Variants in BTBD9 observed in about 807,000 individuals in gnomAD.
The protein encoded by BTBD9 is BTB/POZ domain-containing protein 9.
BTBD9 carries 49 observed loss-of-function variants against 64.3 expected under a neutral mutation model. The observed-to-expected ratio is 0.76, with a 90% CI of 0.61 to 0.97. The LOEUF (loss-of-function observed/expected upper bound fraction) is 0.97. BTBD9 is among the 50% of genes least tolerant of loss of function. The pLI is 0.00. For synonymous variants in BTBD9, 260 were observed against 274.7 expected, an observed-to-expected ratio of 0.95 and a Z score of 0.53; for missense variants, 598 against 762.1, an observed-to-expected ratio of 0.78 and a Z score of 2.53.
intron 9 of BTBD9, among the ~76,000 whole-genome samples, chr6:38,229,447 C>G (rs1278008427): frequency 6.6e-6 from 1 of 152,108 alleles, no homozygotes; most frequent in African/African-American, 2.4e-5. Flanking sequence ...TTACCTGGAT[C>G]TTGTTTTATC....
In BTBD9 at chr6:38,631,633, C is replaced by A. The variant is rs373628662; in HGVS notation, c.-28+8167G>T. Among the ~76,000 whole-genome samples, 60 of 152,294 alleles carry A rather than the reference C, an allele frequency of 3.9e-4. 1 individual carries two copies. The highest frequency in any genetic ancestry group is 1.3e-3 in the African/African-American group (54 of 41,576). On this transcript the variant is annotated intron_variant, in intron 1 of 10. Coordinates refer to ENST00000481247, the MANE Select transcript of BTBD9 (RefSeq NM_001099272.2). ...TCCCCTACCAACAGCCAGCAAGGAA[C>A]TGAGGCCTCCTGTCAACAGCCATGT...
chr6:38,615,854 C>T (rs1777767655), intron 1 of BTBD9, among the ~76,000 whole-genome samples: 1 of 152,138 alleles, frequency 6.6e-6, no homozygotes, highest in Non-Finnish European at 1.5e-5. Context: ...AACTGCACTT[C>T]ACTGACAGTG....
chr6:38,412,983 G>C (rs1214752323), intron 6 of BTBD9, among the ~76,000 whole-genome samples: 1 of 152,174 alleles, frequency 6.6e-6, no homozygotes, highest in Non-Finnish European at 1.5e-5. Flanking sequence ...ACTATATAAA[G>C]TGGTACTTAA....
chr6:38,572,020 G>C (rs1775795227), intron 6 of BTBD9, among the ~76,000 whole-genome samples: 1 of 151,132 alleles, frequency 6.6e-6, no homozygotes, highest in Non-Finnish European at 1.5e-5. Context: ...ATAAAACAAT[G>C]ACCAGAAAAT....
chr6:38,555,240 T>C (rs1401151940), intron 6 of BTBD9, among the ~76,000 whole-genome samples: 1 of 152,106 alleles, frequency 6.6e-6, no homozygotes, highest in African/African-American at 2.4e-5. Context: ...CATCTCTAAC[T>C]CTCCTTGCCT....
intron 6 of BTBD9, among the ~76,000 whole-genome samples, chr6:38,358,269 C>T (rs1196700807): frequency 1.3e-5 from 2 of 151,842 alleles, no homozygotes; most frequent in Non-Finnish European, 2.9e-5. Flanking sequence ...GTCTGGTGTT[C>T]TTCCTGCACA....
At chr6:38,221,503 A>T (rs1415794980) in intron 9 of BTBD9, among the ~76,000 whole-genome samples, 1 of 152,112 alleles carries the variant, frequency 6.6e-6, no homozygotes, top group African/African-American at 2.4e-5. Flanking sequence ...CCTGCCCACA[A>T]AATGTCACAG....
intron 6 of BTBD9, among the ~76,000 whole-genome samples, chr6:38,506,660 C>T (rs909104082): frequency 6.6e-6 from 1 of 152,184 alleles, no homozygotes; most frequent in Non-Finnish European, 1.5e-5. Context: ...TCTCTTTTCT[C>T]CACCTCCATT....
chr6:38,357,605 A>G (rs1295170705), intron 6 of BTBD9, among the ~76,000 whole-genome samples: 3 of 152,228 alleles, frequency 2.0e-5, no homozygotes, highest in Non-Finnish European at 4.4e-5. Context: ...CTGTAAAAAT[A>G]AAAATTTGAG....
chr6:38,198,936 C>T (rs1467584719), intron 9 of BTBD9, among the ~76,000 whole-genome samples: 5 of 152,168 alleles, frequency 3.3e-5, no homozygotes, highest in Admixed American at 2.0e-4. Flanking sequence ...TGGAATCACA[C>T]CACAGAACCC....
chr6:38,428,121 G>C (rs1768263366), intron 6 of BTBD9, among the ~76,000 whole-genome samples: 1 of 151,868 alleles, frequency 6.6e-6, no homozygotes, highest in Non-Finnish European at 1.5e-5. Flanking sequence ...GGGTGAGGGG[G>C]ATAACAGTGG....
At position 38,527,414 on chromosome 6, in the gene BTBD9, G is replaced by GTAA. The variant is rs1773560312; in HGVS notation, c.1154+50185_1154+50186insTTA. On this transcript the variant is annotated intron_variant, in intron 6 of 10. Coordinates refer to ENST00000481247, the MANE Select transcript of BTBD9 (RefSeq NM_001099272.2). ...AGGGAGGAAACTGTAATCCCCACATGTCAAGGGAGGGAGGTGACTGGATCA... is the reference window on the plus strand; with the variant it reads ...AGGGAGGAAACTGTAATCCCCACATGTAATCAAGGGAGGGAGGTGACTGGATCA... Among the ~76,000 whole-genome samples, 5 of 151,938 alleles carry GTAA rather than the reference G, an allele frequency of 3.3e-5. No homozygotes were observed. The South Asian group carries it at 1.0e-3, about 32-fold the overall frequency.
At chr6:38,540,633 G>A (rs9369066) in intron 6 of BTBD9, among the ~76,000 whole-genome samples, 1 of 152,188 alleles carries the variant, frequency 6.6e-6, no homozygotes, top group South Asian at 2.1e-4. Flanking sequence ...TCTTTTTTAA[G>A]TACTAAACAA....
At chr6:38,548,957 G>C (rs1023537878) in intron 6 of BTBD9, among the ~76,000 whole-genome samples, 1 of 152,148 alleles carries the variant, frequency 6.6e-6, no homozygotes, top group Non-Finnish European at 1.5e-5. Flanking sequence ...ATGGGTAAAG[G>C]TGACTTGTAA....
At chr6:38,563,749 G>A (rs923683478) in intron 6 of BTBD9, among the ~76,000 whole-genome samples, 2 of 147,902 alleles carry the variant, frequency 1.4e-5, no homozygotes, top group African/African-American at 2.5e-5. Context: ...TGCTCCAAAC[G>A]CTTTCCCCTT....
At chr6:38,269,484 A>C (rs1370097877) in intron 8 of BTBD9, among the ~76,000 whole-genome samples, 1 of 152,150 alleles carries the variant, frequency 6.6e-6, no homozygotes, top group African/African-American at 2.4e-5. Context: ...CACAAGTTTT[A>C]ATTCAAACGT....
intron 6 of BTBD9, among the ~76,000 whole-genome samples, chr6:38,381,700 A>C (rs1280351565): frequency 1.3e-5 from 2 of 152,208 alleles, no homozygotes; most frequent in Non-Finnish European, 2.9e-5. Flanking sequence ...GTAAGCGTCA[A>C]CAAATTTTAA....
chr6:38,567,919 ATT>A, intron 6 of BTBD9, among the ~76,000 whole-genome samples: 1 of 152,280 alleles, frequency 6.6e-6, no homozygotes, highest in Middle Eastern at 3.4e-3. Context: ...TTAAAAGGGT[ATT>A]TTCCAGAAAA....
At chr6:38,194,898 G>A (rs1049057889) in intron 9 of BTBD9, among the ~76,000 whole-genome samples, 22 of 151,548 alleles carry the variant, frequency 1.5e-4, no homozygotes, top group Admixed American at 9.8e-4. Flanking sequence ...CAGTCTGAGC[G>A]GGAGGGAACT....
Sources: allele counts gnomAD v4.1 joint callset (sites outside exome capture counted in the v4.1 genomes callset), GRCh38; gene constraint gnomAD v4.1.1; transcripts MANE v1.5; gene names NCBI Gene and HGNC (gene_info 2026-07-23, HGNC 2026-07-21).